The following RGS21 variants were observed in gnomAD, a reference collection of about 807,000 sequenced individuals.
RGS21 encodes regulator of G-protein signalling 21.
Under a neutral mutation model 18.7 loss-of-function variants are expected in RGS21, and 19 were observed. The observed-to-expected ratio is 1.01, with a 90% confidence interval of 0.71 to 1.49. The LOEUF (loss-of-function observed/expected upper bound fraction) is 1.49, where lower values mean the gene tolerates loss of function less well. RGS21 is among the 40% of genes most tolerant of loss of function. The pLI is 0.00. For synonymous variants in RGS21, 56 were observed against 57.8 expected, an observed-to-expected ratio of 0.97 and a Z score of 0.14; for missense variants, 194 against 176.8, an observed-to-expected ratio of 1.10 and a Z score of -0.55.
In RGS21 at chr1:192,352,191, T is replaced by C. The variant is rs747235193; in HGVS notation, c.233T>C (p.Ile78Thr). Residue 78 changes from isoleucine (I) to threonine (T), a missense_variant, in exon 4 of 5, where the codon ATT (isoleucine) becomes ACT (threonine). Transcript: ENST00000417209. ...GCCAAGATGATTTATTCTGAATTCA[T>C]TGAAGCTGATGCACCTAAAGAGGTG... ...SKAKMIYSEF[I>T]EADAPKEINI... 1.2e-5 allele frequency: 19 copies of C among 1,608,274 alleles called. No homozygotes were observed. Among genetic ancestry groups the C allele is most frequent in the South Asian group, 2.2e-5 (2 of 90,412 alleles).
At chr1:192,320,835 A>C (rs1361177375) in intron 1 of RGS21, among the ~76,000 whole-genome samples, 2 of 152,034 alleles carry the variant, frequency 1.3e-5, no homozygotes, top group African/African-American at 4.8e-5. Context: ...GCTGACCTTA[A>C]GTTAAACATT....
intron 1 of RGS21, among the ~76,000 whole-genome samples, chr1:192,332,323 C>A (rs941047942): frequency 9.2e-5 from 14 of 151,528 alleles, no homozygotes; most frequent in African/African-American, 2.7e-4. Context: ...TAGAAAAAGA[C>A]AATGGAGCAA....
rs766658871 is a variant in RGS21 at position 192,352,138 on chromosome 1, G to T, written c.180G>T (p.Thr60=). 1 of 1,611,048 alleles carries T rather than the reference G, an allele frequency of 6.2e-7. No homozygotes were observed. Among genetic ancestry groups the T allele is most frequent in the Non-Finnish European group, 8.5e-7 (1 of 1,178,594 alleles). ...FWLACEDFKK[T]KNADKIASKA... is the part of the protein sequence containing the mutation. ...TTGCCTGTGAAGACTTTAAGAAAAC[G>T]AAAAATGCAGACAAAATTGCTTCCA... Residue 60 remains threonine (T), a synonymous_variant, in exon 4 of 5, where the codon ACG becomes ACT. Coordinates refer to ENST00000417209, the MANE Select transcript of RGS21 (RefSeq NM_001039152.3).
At chr1:192,338,820 A>G (rs1192403112) in intron 1 of RGS21, among the ~76,000 whole-genome samples, 1 of 152,124 alleles carries the variant, frequency 6.6e-6, no homozygotes, top group Non-Finnish European at 1.5e-5. Flanking sequence ...CTTATTGAAT[A>G]CATGAACATT....
At chr1:192,344,839 C>A (rs1658924319) in intron 2 of RGS21, among the ~76,000 whole-genome samples, 1 of 152,088 alleles carries the variant, frequency 6.6e-6, no homozygotes, top group Admixed American at 6.6e-5. Context: ...GGTACTCCTT[C>A]AGAGCCGATG....
intron 4 of RGS21, among the ~76,000 whole-genome samples, chr1:192,360,878 A>C (rs1398369647): frequency 6.6e-6 from 1 of 152,108 alleles, no homozygotes; most frequent in Non-Finnish European, 1.5e-5. Flanking sequence ...TTAGGGACGC[A>C]ATTTTTTTCT....
At chr1:192,317,578 TA>T (rs971547636) in intron 1 of RGS21, among the ~76,000 whole-genome samples, 9 of 151,968 alleles carry the variant, frequency 5.9e-5, no homozygotes, top group African/African-American at 2.2e-4. Context: ...ATGAATTATA[TA>T]AATAAAGAAA....
In RGS21 at chr1:192,366,151, T is replaced by G. The variant is rs147881080; in HGVS notation, c.*27T>G. 3.9e-5 allele frequency: 40 copies of G among 1,019,914 alleles called. No individual in the cohort carries two copies. In the African/African-American group the frequency reaches 6.2e-4, roughly 16 times the overall value. The allele number at this position is 1,019,914 out of a possible 1,614,324, so 63.2% of individuals were successfully genotyped here. A position where few individuals can be genotyped will look rare whatever the true frequency, so the allele number is the denominator to read the frequency against. On this transcript the variant is annotated 3_prime_UTR_variant, in exon 5 of 5. Coordinates refer to ENST00000417209, the MANE Select transcript of RGS21 (RefSeq NM_001039152.3). ...GAAGGTAAAAGTTAACTAATCACTA[T>G]ACTTCAGGGCTACAATATTTTAAAT...
At position 192,339,317 on chromosome 1, in the gene RGS21, AT is replaced by A. The variant is rs569142553; in HGVS notation, c.-60-3653del. ...AAGTACCAGAATTAAGTTCTTATTA[AT>A]TTTTTTATCCTACCTTTAATGATGA... is the stretch of plus-strand genomic sequence containing the variant. On this transcript the variant is annotated intron_variant, in intron 1 of 4. Transcript: ENST00000417209. Among the ~76,000 whole-genome samples, 469 of 152,066 alleles carry A rather than the reference AT, an allele frequency of 3.1e-3. 3 individuals carry two copies. The highest frequency in any genetic ancestry group is 0.011 in the African/African-American group (438 of 41,490).
intron 1 of RGS21, among the ~76,000 whole-genome samples, chr1:192,339,525 T>C (rs1571454932): frequency 6.6e-6 from 1 of 151,996 alleles, no homozygotes; most frequent in South Asian, 2.1e-4. Context: ...ACCCTGTTTT[T>C]TTAATGGATT....
chr1:192,318,110 G>T, intron 1 of RGS21, among the ~76,000 whole-genome samples: 1 of 151,810 alleles, frequency 6.6e-6, no homozygotes, highest in South Asian at 2.1e-4. Context: ...TATATTCATC[G>T]TATAATTGCC....
chr1:192,329,060 G>A (rs1278793897), intron 1 of RGS21, among the ~76,000 whole-genome samples: 3 of 151,916 alleles, frequency 2.0e-5, no homozygotes, highest in African/African-American at 7.3e-5. Flanking sequence ...AAGACAATCA[G>A]GGAAGTTAAT....
At chr1:192,354,129 T>C (rs1428144862) in intron 4 of RGS21, among the ~76,000 whole-genome samples, 1 of 151,798 alleles carries the variant, frequency 6.6e-6, no homozygotes, top group South Asian at 2.1e-4. Flanking sequence ...GTTATAGTTA[T>C]ACTATTAGTA....
intron 4 of RGS21, among the ~76,000 whole-genome samples, chr1:192,355,611 T>C (rs1659101289): frequency 6.6e-6 from 1 of 151,536 alleles, no homozygotes. Flanking sequence ...AAATAGATAT[T>C]TTTAAAGTAT....
chr1:192,334,659 A>C (rs1351940829), intron 1 of RGS21, among the ~76,000 whole-genome samples: 3 of 152,186 alleles, frequency 2.0e-5, no homozygotes, highest in African/African-American at 7.2e-5. Context: ...ATTGGAAATA[A>C]AGAATGAGTT....
At chr1:192,361,054 TAA>T (rs933527607) in intron 4 of RGS21, among the ~76,000 whole-genome samples, 8 of 152,110 alleles carry the variant, frequency 5.3e-5, no homozygotes, top group African/African-American at 1.9e-4. Flanking sequence ...CAAAATATGT[TAA>T]GACTCTCCCC....
At chr1:192,322,618 T>C (rs1658512007) in intron 1 of RGS21, among the ~76,000 whole-genome samples, 1 of 152,032 alleles carries the variant, frequency 6.6e-6, no homozygotes, top group South Asian at 2.1e-4. Flanking sequence ...TTACCTGGTT[T>C]CCCAAGTTCT....
chr1:192,357,285 G>A (rs1659125027), intron 4 of RGS21, among the ~76,000 whole-genome samples: 1 of 151,800 alleles, frequency 6.6e-6, no homozygotes, highest in South Asian at 2.1e-4. Context: ...GACTGGTCCA[G>A]CAGTGAAAGA....
intron 2 of RGS21, among the ~76,000 whole-genome samples, chr1:192,346,560 T>C (rs1658946684): frequency 6.6e-6 from 1 of 152,104 alleles, no homozygotes; most frequent in Non-Finnish European, 1.5e-5. Flanking sequence ...CTTTGTTTAT[T>C]AAGAGGAGTA....
Sources: allele counts gnomAD v4.1 joint callset (sites outside exome capture counted in the v4.1 genomes callset), GRCh38; gene constraint gnomAD v4.1.1; transcripts MANE v1.5; gene names NCBI Gene and HGNC (gene_info 2026-07-23, HGNC 2026-07-21).